Variants in FMN1 observed in about 807,000 individuals in gnomAD.
FMN1 encodes the protein formin 1, also known as formin-1.
Under a neutral mutation model 132.4 loss-of-function variants are expected in FMN1, and 110 were observed. The observed-to-expected ratio is 0.83, with a 90% CI of 0.71 to 0.97. The LOEUF (loss-of-function observed/expected upper bound fraction) is 0.97, where lower values mean the gene tolerates loss of function less well. Ranked by LOEUF, FMN1 falls within the 50% of genes least tolerant of loss-of-function variation. The pLI is 0.00. For synonymous variants in FMN1, 722 were observed against 651.7 expected (o/e 1.11, Z -1.64); for missense variants, 1,792 against 1,705.3 (o/e 1.05, Z -0.90).
intron 6 of FMN1, among the ~76,000 whole-genome samples, chr15:33,031,683 T>C (rs1222848560): frequency 1.3e-5 from 2 of 152,198 alleles, no homozygotes; most frequent in East Asian, 3.8e-4. Flanking sequence ...CATCAGGTGA[T>C]ACAGCCTCAG....
chr15:33,119,046 A>G (rs908251298), intron 4 of FMN1, among the ~76,000 whole-genome samples: 1 of 152,234 alleles, frequency 6.6e-6, no homozygotes, highest in Non-Finnish European at 1.5e-5. Context: ...ACTGGAGGAC[A>G]TCTGAATCAA....
At chr15:33,035,360 T>A (rs1430885674) in intron 6 of FMN1, among the ~76,000 whole-genome samples, 1 of 151,750 alleles carries the variant, frequency 6.6e-6, no homozygotes, top group East Asian at 1.9e-4. Context: ...AAAAAATGAT[T>A]TTTTTCCTAT....
At chr15:33,045,874 T>C (rs1246778209) in intron 6 of FMN1, among the ~76,000 whole-genome samples, 1 of 152,150 alleles carries the variant, frequency 6.6e-6, no homozygotes, top group Non-Finnish European at 1.5e-5. Context: ...ACAAAGCCAA[T>C]ATTTCAAATA....
chr15:32,848,631 C>T (rs1490557294), intron 17 of FMN1, among the ~76,000 whole-genome samples: 1 of 152,026 alleles, frequency 6.6e-6, no homozygotes, highest in African/African-American at 2.4e-5. Context: ...GGCTAAGGGA[C>T]CCCAGTTGGT....
At chr15:33,016,680 G>C (rs11637841) in intron 6 of FMN1, among the ~76,000 whole-genome samples, 8,982 of 152,232 alleles carry the variant, frequency 0.059, 360 homozygotes, top group Middle Eastern at 0.086. Flanking sequence ...CCTTCAACCA[G>C]CACACACGTC....
intron 16 of FMN1, among the ~76,000 whole-genome samples, chr15:32,859,161 G>C (rs4780051): frequency 0.24 from 35,951 of 151,970 alleles, 4,487 homozygotes; most frequent in East Asian, 0.4. Flanking sequence ...AGACAGAGGA[G>C]ATCAAGAGTT....
intron 17 of FMN1, among the ~76,000 whole-genome samples, chr15:32,806,861 C>T (rs2057699722): frequency 6.6e-6 from 1 of 152,194 alleles, no homozygotes; most frequent in African/African-American, 2.4e-5. Context: ...TGCCACTCAT[C>T]ATCTTCCTAC....
intron 17 of FMN1, among the ~76,000 whole-genome samples, chr15:32,841,276 T>A (rs567601424): frequency 6.6e-6 from 1 of 152,194 alleles, no homozygotes; most frequent in African/African-American, 2.4e-5. Flanking sequence ...TCTCAGAGTA[T>A]ATGTAGTGTG....
chr15:33,128,206 A>G (rs1963300365), intron 4 of FMN1, among the ~76,000 whole-genome samples: 1 of 152,174 alleles, frequency 6.6e-6, no homozygotes, highest in Non-Finnish European at 1.5e-5. Flanking sequence ...GAAAAAAAGC[A>G]AAAAGCAGAC....
At chr15:32,962,612 C>G (rs2030701952) in intron 9 of FMN1, among the ~76,000 whole-genome samples, 1 of 151,130 alleles carries the variant, frequency 6.6e-6, no homozygotes, top group South Asian at 2.1e-4. Context: ...GGGCTAATAT[C>G]CAGAATCTAC....
intron 19 of FMN1, among the ~76,000 whole-genome samples, chr15:32,790,233 GTCTATGTAGCCAAAT>G (rs1391923585): frequency 2.0e-5 from 3 of 152,166 alleles, no homozygotes; most frequent in African/African-American, 7.2e-5. Flanking sequence ...GCCTCTTTAT[GTCTATGTAGCCAAAT>G]TCATCTGCTG....
At chr15:32,948,631 A>T (rs1453511682) in intron 9 of FMN1, among the ~76,000 whole-genome samples, 1 of 152,016 alleles carries the variant, frequency 6.6e-6, no homozygotes, top group African/African-American at 2.4e-5. Context: ...AAATTATTTC[A>T]TATTATTTTC....
chr15:32,966,346 T>C (rs911195119), intron 8 of FMN1, among the ~76,000 whole-genome samples: 2 of 152,126 alleles, frequency 1.3e-5, no homozygotes, highest in African/African-American at 4.8e-5. Flanking sequence ...GAAAGAATTT[T>C]GGAACACTGC....
chr15:32,801,480 T>C (rs1358750127), intron 18 of FMN1, among the ~76,000 whole-genome samples: 1 of 152,016 alleles, frequency 6.6e-6, no homozygotes, highest in Non-Finnish European at 1.5e-5. Context: ...GAATGTGCCT[T>C]ATTTGGCCGG....
chr15:32,949,449 GAGAAAGAATTCCCT>G (rs2061577364), intron 9 of FMN1, among the ~76,000 whole-genome samples: 1 of 152,056 alleles, frequency 6.6e-6, no homozygotes, highest in Admixed American at 6.6e-5. Context: ...ACAAGCAATA[GAGAAAGAATTCCCT>G]ATTCAATAAA....
chr15:32,831,916 T>A lies in FMN1; in HGVS notation c.3928+25099A>T, dbSNP rs1030133493. On this transcript the variant is annotated intron_variant, in intron 17 of 20. Coordinates refer to ENST00000616417, the MANE Select transcript of FMN1 (RefSeq NM_001277313.2). ...TAGAAACTGGCACCAGGGATTTCTG[T>A]GTACCTGCCTAGAAATACAGGGCTT... Among the ~76,000 whole-genome samples, 3 of 152,174 alleles carry A rather than the reference T, an allele frequency of 2.0e-5. No individual in the cohort carries two copies. The East Asian group carries it at 5.8e-4, about 29-fold the overall frequency.
At chr15:33,146,180 C>T (rs991855730) in intron 4 of FMN1, among the ~76,000 whole-genome samples, 2 of 152,034 alleles carry the variant, frequency 1.3e-5, no homozygotes, top group African/African-American at 2.4e-5. Context: ...ACTTGCTTAG[C>T]GTGAAACCCA....
At chr15:33,156,729 A>C (rs757027937) in intron 3 of FMN1, among the ~76,000 whole-genome samples, 8 of 152,258 alleles carry the variant, frequency 5.3e-5, no homozygotes, top group Non-Finnish European at 8.8e-5. Flanking sequence ...TTATTGTGTA[A>C]TTTATAATAA....
intron 4 of FMN1, among the ~76,000 whole-genome samples, chr15:33,096,330 G>C (rs1049958092): frequency 2.6e-5 from 4 of 152,120 alleles, no homozygotes; most frequent in African/African-American, 9.7e-5. Flanking sequence ...TGGTCTAGTC[G>C]TCTGTCAATA....
Sources: gnomAD v4.1 joint callset for allele counts (sites outside exome capture counted in the v4.1 genomes callset) on GRCh38, gnomAD v4.1.1 for gene constraint, MANE v1.5 for transcripts, NCBI Gene and HGNC (gene_info 2026-07-23, HGNC 2026-07-21) for gene names.